The following SMG6 variants were observed in gnomAD, a reference collection of about 807,000 sequenced individuals.
SMG6 encodes the protein SMG6 nonsense mediated mRNA decay factor.
A neutral mutation model predicts 142.2 loss-of-function variants in SMG6; 66 were observed. The observed-to-expected ratio is 0.46, with a 90% CI of 0.38 to 0.57. The LOEUF is 0.57. Ranked by LOEUF, SMG6 falls within the 20% of genes least tolerant of loss-of-function variation. SMG6 has a pLI of 0.00. For synonymous variants in SMG6, 779 were observed against 702.4 expected, an observed-to-expected ratio of 1.11 and a Z score of -1.72; for missense variants, 1,793 against 1,832.0, an observed-to-expected ratio of 0.98 and a Z score of 0.39.
chr17:2,247,355 T>A (rs974770154), intron 8 of SMG6, among the ~76,000 whole-genome samples: 3 of 152,246 alleles, frequency 2.0e-5, no homozygotes, highest in African/African-American at 7.2e-5. Context: ...ATTCTCTCTC[T>A]CTTCCTATTT....
intron 8 of SMG6, among the ~76,000 whole-genome samples, chr17:2,246,894 C>G (rs968386675): frequency 2.0e-5 from 3 of 152,108 alleles, no homozygotes; most frequent in Admixed American, 6.6e-5. Context: ...TGCAGTGAGC[C>G]AAGATCATAC....
In SMG6 at chr17:2,299,229, A is replaced by G; in HGVS notation, c.1524T>C (p.Tyr508=). Reference sequence around the variant, plus strand: ...CAGGGCCTGGTGTCCGGGGGTAATAATAGGGGTTGTCAGAGTTTTGAAACT... The same window carrying G: ...CAGGGCCTGGTGTCCGGGGGTAATAGTAGGGGTTGTCAGAGTTTTGAAACT... The part of the protein sequence containing the change: ...YYKFQNSDNP[Y]YYPRTPGPAS... Residue 508 remains tyrosine (Y), a synonymous_variant, in exon 2 of 19, where the codon TAT becomes TAC. Coordinates refer to ENST00000263073, the MANE Select transcript of SMG6 (RefSeq NM_017575.5). The surrounding 1 kb of genome is among the most constrained non-coding windows in gnomAD (Gnocchi z 4.3). 2 of 1,613,968 alleles carry G rather than the reference A, an allele frequency of 1.2e-6. No homozygotes were observed. The highest frequency in any genetic ancestry group is 2.2e-5 in the South Asian group (2 of 91,082).
chr17:2,166,272 T>C (rs2071335892), intron 13 of SMG6, among the ~76,000 whole-genome samples: 1 of 152,040 alleles, frequency 6.6e-6, no homozygotes, highest in African/African-American at 2.4e-5. Flanking sequence ...AGTGAGAATC[T>C]ACCTAATCTG....
chr17:2,213,828 C>A (rs150750298), intron 10 of SMG6: 4 of 152,188 alleles, frequency 2.6e-5, no homozygotes, highest in Non-Finnish European at 5.9e-5. Context: ...CTTGAAATAA[C>A]GGGCCCACTG....
At chr17:2,227,298 C>A (rs4790887) in intron 10 of SMG6, among the ~76,000 whole-genome samples, 95,030 of 152,070 alleles carry the variant, frequency 0.62, 29,987 homozygotes, top group East Asian at 0.74. Flanking sequence ...TTTATTCATA[C>A]TAGTGAAAAA....
At chr17:2,233,683 T>G (rs2073564037) in intron 10 of SMG6, 1 of 122,280 alleles carries the variant, frequency 8.2e-6, no homozygotes, top group Non-Finnish European at 1.6e-5. Flanking sequence ...GCACAGATGC[T>G]GCTACTCAGC....
chr17:2,100,524 T>C (rs1235370724), intron 13 of SMG6, among the ~76,000 whole-genome samples: 1 of 152,178 alleles, frequency 6.6e-6, no homozygotes, highest in East Asian at 1.9e-4. Context: ...GGATTCCACT[T>C]TGAATTCAAT....
At chr17:2,182,730 G>T (rs79302989) in intron 12 of SMG6, among the ~76,000 whole-genome samples, 3,770 of 152,102 alleles carry the variant, frequency 0.025, 65 homozygotes, top group South Asian at 0.066. Flanking sequence ...CTATCCCCCA[G>T]CATTACTTCT....
At chr17:2,217,285 C>T (rs1048564381) in intron 10 of SMG6, among the ~76,000 whole-genome samples, 2 of 151,636 alleles carry the variant, frequency 1.3e-5, no homozygotes, top group African/African-American at 4.8e-5. Context: ...TACAAAAATA[C>T]AGAGAAAAAA....
intron 8 of SMG6, among the ~76,000 whole-genome samples, chr17:2,252,406 A>AAAAAAG (rs1567719593): frequency 2.0e-5 from 3 of 151,350 alleles, no homozygotes; most frequent in Admixed American, 6.6e-5. Flanking sequence ...CTCAAAAAAA[A>AAAAAAG]TAAAGAAAAG....
intron 10 of SMG6, among the ~76,000 whole-genome samples, chr17:2,230,101 G>C (rs1407640473): frequency 6.9e-6 from 1 of 144,136 alleles, no homozygotes; most frequent in Non-Finnish European, 1.5e-5. Context: ...CATGGGAATC[G>C]CTTGAACCCA....
chr17:2,091,036 G>A (rs1343668690), intron 13 of SMG6, among the ~76,000 whole-genome samples: 1 of 152,170 alleles, frequency 6.6e-6, no homozygotes, highest in Admixed American at 6.5e-5. Context: ...AAACCTCCAG[G>A]ATTGGCCACA....
At chr17:2,230,190 A>G (rs1450673509) in intron 10 of SMG6, among the ~76,000 whole-genome samples, 1 of 36,102 alleles carries the variant, frequency 2.8e-5, no homozygotes, top group Non-Finnish European at 5.5e-5. Context: ...CGTCTCCAAA[A>G]AAAAAAAAAA....
At chr17:2,283,844 T>A in intron 6 of SMG6, 109 bp from the exon 7 acceptor site, 2 of 757,770 alleles carry the variant, frequency 2.6e-6, no homozygotes, top group Non-Finnish European at 4.5e-6. Flanking sequence ...TCTCCCAAAC[T>A]GAGAGGAATC....
At chr17:2,186,159 G>A (rs572805751) in intron 12 of SMG6, among the ~76,000 whole-genome samples, 2 of 151,936 alleles carry the variant, frequency 1.3e-5, no homozygotes, top group East Asian at 1.9e-4. Context: ...GCTGGGAGGT[G>A]GAGGTTGCAG....
At position 2,071,542 on chromosome 17, in the gene SMG6, G is replaced by A. The variant is rs1427563420; in HGVS notation, c.3682-2611C>T. ...GGGGCTTCCCTGGGTGTGGGGTGGG[G>A]CCAAGCCCCGTGAGGGTGGTCAGAG... On this transcript the variant is annotated intron_variant, in intron 15 of 18. Coordinates refer to ENST00000263073, the MANE Select transcript of SMG6 (RefSeq NM_017575.5). This position sits in a 1 kb window ranked among gnomAD's most constrained non-coding sequence, Gnocchi z 5.6. Among the ~76,000 whole-genome samples, 1 of 152,202 alleles carries A rather than the reference G, an allele frequency of 6.6e-6. No homozygotes were observed. The highest frequency in any genetic ancestry group is 1.5e-5 in the Non-Finnish European group (1 of 68,040).
rs182190969 is a variant in SMG6, at chr17:2,291,286, G to A, written c.2337+1266C>T. Among the ~76,000 whole-genome samples the A allele has an allele frequency of 8.4e-4, 128 of 151,712 alleles. 2 individuals are homozygous for A. In the East Asian group the frequency reaches 0.014, roughly 17 times the overall value. On this transcript the variant is annotated intron_variant, in intron 6 of 18. Transcript: ENST00000263073. Reference sequence around the variant, plus strand: ...GCGGAGCTTGCCGTGAGCCGAGATCGCGCCACTGCACTCCAGCCTGAGCGA... The same window carrying A: ...GCGGAGCTTGCCGTGAGCCGAGATCACGCCACTGCACTCCAGCCTGAGCGA...
chr17:2,203,415 T>C (rs1169565276), intron 10 of SMG6, among the ~76,000 whole-genome samples: 1 of 152,160 alleles, frequency 6.6e-6, no homozygotes, highest in Non-Finnish European at 1.5e-5. Context: ...TTGGAAGAGT[T>C]ACAAGCAGAT....
rs967662825 is a variant in SMG6, at chr17:2,299,128, G to A, written c.1625C>T (p.Pro542Leu). 8.1e-6 allele frequency: 13 copies of A among 1,613,916 alleles called. No individual in the cohort carries two copies. Among genetic ancestry groups the A allele is most frequent in the Non-Finnish European group, 1.0e-5 (12 of 1,179,844 alleles). Residue 542 changes from proline (P) to leucine (L), a missense_variant, in exon 2 of 19, where the codon CCT (proline) becomes CTT (leucine). Physicochemically the swap from Pro to Leu is moderately conservative, Grantham distance 98. Transcript: ENST00000263073. The surrounding 1 kb of genome is among the most constrained non-coding windows in gnomAD (Gnocchi z 4.3). ...CGGAGTCGGGTAGCCTGGGTAGTAA[G>A]GCCCTGGGTACACACCATTCGTAGG... ...VGPTNGVYPG[P>L]YYPGYPTPSG...
Sources: gnomAD v4.1 joint callset for allele counts (sites outside exome capture counted in the v4.1 genomes callset) on GRCh38, gnomAD v4.1.1 for gene constraint, Gnocchi (gnomAD v3.1) non-coding constraint, MANE v1.5 for transcripts, NCBI Gene and HGNC (gene_info 2026-07-23, HGNC 2026-07-21) for gene names.